Variants in SCN4A observed in about 807,000 individuals in gnomAD.
SCN4A encodes the protein sodium voltage-gated channel alpha subunit 4.
In SCN4A, 83 loss-of-function variants were observed where a neutral mutation model predicts 162.0. The observed-to-expected ratio is 0.51, with a 90% CI of 0.43 to 0.61. The LOEUF is 0.61. Ranked by LOEUF, SCN4A falls within the 20% of genes least tolerant of loss-of-function variation. SCN4A has a pLI of 0.00. For synonymous variants in SCN4A, 944 were observed against 985.1 expected (o/e 0.96, Z 0.78); for missense variants, 2,196 against 2,462.5 (o/e 0.89, Z 2.29).
At chr17:63,954,062 G>A (rs1165976403) in intron 13 of SCN4A, among the ~76,000 whole-genome samples, 1 of 152,162 alleles carries the variant, frequency 6.6e-6, no homozygotes, top group Non-Finnish European at 1.5e-5. Context: ...TCGGAGCCCT[G>A]GGGGAGTGAG....
At chr17:63,946,763 G>A (rs931914483) in intron 18 of SCN4A, among the ~76,000 whole-genome samples, 2 of 152,120 alleles carry the variant, frequency 1.3e-5, no homozygotes, top group Admixed American at 6.5e-5. Context: ...GGGCCCTCCT[G>A]GGTGCTTCTG....
chr17:63,960,648 G>A lies in SCN4A; in HGVS notation c.1845+545C>T, dbSNP rs1005688696. On this transcript the variant is annotated intron_variant, in intron 11 of 23. Transcript: ENST00000435607. The stretch of plus-strand genomic sequence containing the variant: ...TCCTAATGGGCCTGGATAAGCGGGC[G>A]GATCAGTGGTGTCAACAATAGTGGA... 1.1e-4 allele frequency among the ~76,000 whole-genome samples: 17 copies of A among 152,160 alleles called. No individual in the cohort carries two copies. In the East Asian group the frequency reaches 2.3e-3, roughly 21 times the overall value.
At chr17:63,964,763 G>T (rs866338845) in intron 8 of SCN4A, 86 bp from the exon 9 acceptor site, 1 of 1,018,556 alleles carries the variant, frequency 9.8e-7, no homozygotes, top group Non-Finnish European at 1.5e-6. Context: ...TCCATTGCCC[G>T]CATGGGTAAG....
intron 22 of SCN4A, among the ~76,000 whole-genome samples, chr17:63,943,362 G>A (rs919281207): frequency 6.4e-5 from 5 of 77,834 alleles, no homozygotes; most frequent in African/African-American, 3.1e-4. Context: ...TCCCCCAGAT[G>A]CTCCTCCCCT....
intron 8 of SCN4A, among the ~76,000 whole-genome samples, chr17:63,965,328 G>A (rs1357515355): frequency 6.6e-6 from 1 of 152,196 alleles, no homozygotes; most frequent in Non-Finnish European, 1.5e-5. Flanking sequence ...ATAGGCATGA[G>A]CCACTGCACC....
chr17:63,953,629 C>A (rs1952635885), intron 13 of SCN4A, among the ~76,000 whole-genome samples: 1 of 150,788 alleles, frequency 6.6e-6, no homozygotes, highest in African/African-American at 2.4e-5. Flanking sequence ...TGCAGTGAGC[C>A]CAGATTGCAC....
intron 14 of SCN4A, chr17:63,949,749 G>C: frequency 2.1e-6 from 1 of 484,796 alleles, no homozygotes; most frequent in Non-Finnish European, 3.6e-6. Flanking sequence ...GAGTGGGGCG[G>C]GGCTGATGCC....
intron 9 of SCN4A, 30 bp from the exon 10 acceptor site, chr17:63,963,855 A>G: frequency 1.3e-6 from 2 of 1,573,148 alleles, no homozygotes; most frequent in Non-Finnish European, 1.7e-6. Context: ...ACTGGCAGGA[A>G]GTCCAGCTCT....
chr17:63,947,096 T>G lies in SCN4A; in HGVS notation c.3390A>C (p.Thr1130=). ...CCCTCAGGGGACGCAGGGCCCGCAGTGTCCGCAGGGATTTGATGGGTCCCA... is the reference window on the plus strand; with the variant it reads ...CCCTCAGGGGACGCAGGGCCCGCAGGGTCCGCAGGGATTTGATGGGTCCCA... ...SELGPIKSLR[T]LRALRPLRAL... Residue 1130 remains threonine (T), a synonymous_variant, in exon 18 of 24, where the codon ACA becomes ACC. Transcript: ENST00000435607. The G allele has an allele frequency of 1.9e-6, 3 of 1,611,090 alleles. No homozygotes were observed. Among genetic ancestry groups the G allele is most frequent in the Non-Finnish European group, 2.5e-6 (3 of 1,178,608 alleles).
intron 14 of SCN4A, chr17:63,949,832 C>T (rs964300816): frequency 1.8e-5 from 4 of 220,904 alleles, no homozygotes; most frequent in East Asian, 9.1e-5. Context: ...GACCCCGGCC[C>T]GAGTGGGGGG....
chr17:63,963,607 T>A, intron 10 of SCN4A, 65 bp downstream of exon 10: 1 of 1,452,146 alleles, frequency 6.9e-7, no homozygotes, highest in Non-Finnish European at 9.1e-7. Flanking sequence ...ATCCCTATCC[T>A]CCTGAATCCA....
chr17:63,959,501 C>T, intron 11 of SCN4A, 63 bp from the exon 12 acceptor site: 1 of 1,501,176 alleles, frequency 6.7e-7, no homozygotes, highest in Non-Finnish European at 9.1e-7. Flanking sequence ...GGAAGTCTCC[C>T]ACCCAACTCC....
intron 14 of SCN4A, 27 bp from the exon 15 acceptor site, chr17:63,949,555 A>G (rs758321450): frequency 2.2e-5 from 35 of 1,579,042 alleles, no homozygotes; most frequent in Non-Finnish European, 2.9e-5. Flanking sequence ...GTCACATGAC[A>G]TCTGGGTCCC....
chr17:63,946,472 C>CA (rs1555601581), intron 18 of SCN4A, among the ~76,000 whole-genome samples: 25 of 128,968 alleles, frequency 1.9e-4, no homozygotes, highest in African/African-American at 8.1e-4. Flanking sequence ...GCCCCCCCCC[C>CA]CACCCCGCCG....
At chr17:63,961,148 CT>C in intron 11 of SCN4A, 44 bp downstream of exon 11, 2 of 1,226,716 alleles carry the variant, frequency 1.6e-6, no homozygotes, top group East Asian at 2.6e-5. Context: ...GCCCTACCCC[CT>C]CCCATCCTGC....
intron 15 of SCN4A, among the ~76,000 whole-genome samples, chr17:63,949,038 C>T (rs1265477372): frequency 1.3e-5 from 2 of 152,128 alleles, no homozygotes; most frequent in African/African-American, 4.8e-5. Context: ...TGCTGCCCCA[C>T]CCCCCACCTC....
In SCN4A at chr17:63,951,120, A is replaced by T. The variant is rs1281375628; in HGVS notation, c.2853+304T>A. On this transcript the variant is annotated intron_variant, in intron 14 of 23. Transcript: ENST00000435607. This position sits in a 1 kb window ranked among gnomAD's most constrained non-coding sequence, Gnocchi z 4.5. ...GCTGCGGTGCCCAGGTAAAAGCAGCATGTCCAAGGGCACCACCTGCTGGTG... is the reference window on the plus strand; with the variant it reads ...GCTGCGGTGCCCAGGTAAAAGCAGCTTGTCCAAGGGCACCACCTGCTGGTG... Among the ~76,000 whole-genome samples the T allele has an allele frequency of 6.6e-6, 1 of 152,214 alleles. No homozygotes were observed. The highest frequency in any genetic ancestry group is 1.5e-5 in the Non-Finnish European group (1 of 68,036).
Position 63,939,217 on chromosome 17 carries a change from C to T in SCN4A, c.*1554G>A, listed in dbSNP as rs993454110. The T allele has an allele frequency of 6.6e-6, 1 of 152,628 alleles. No homozygotes were observed. The highest frequency in any genetic ancestry group is 2.4e-5 in the African/African-American group (1 of 41,440). 9.5% of individuals were successfully genotyped at this position (152,628 alleles called of 1,614,324 possible). ...AAGAGGCACTTAGGCCAACAGAATG[C>T]CCTGAGTACACACCTTACCACATGC... is the stretch of plus-strand genomic sequence containing the variant. On this transcript the variant is annotated 3_prime_UTR_variant, in exon 24 of 24. Transcript: ENST00000435607.
intron 10 of SCN4A, 129 bp downstream of exon 10, chr17:63,963,543 G>C: frequency 1.0e-6 from 1 of 968,476 alleles, no homozygotes; most frequent in East Asian, 3.0e-5. Flanking sequence ...GCCCCACCCT[G>C]ACCTCAGGGG....
Sources: gnomAD v4.1 joint callset for allele counts (sites outside exome capture counted in the v4.1 genomes callset) on GRCh38, gnomAD v4.1.1 for gene constraint, Gnocchi (gnomAD v3.1) non-coding constraint, MANE v1.5 for transcripts, NCBI Gene and HGNC (gene_info 2026-07-23, HGNC 2026-07-21) for gene names.